HIP1: variants seen among roughly 807,000 people sequenced by gnomAD.
HIP1 encodes the protein huntingtin-interacting protein 1.
Under a neutral mutation model 147.6 loss-of-function variants are expected in HIP1, and 65 were observed. The observed-to-expected ratio is 0.44, with a 90% CI of 0.36 to 0.54. HIP1 has a LOEUF of 0.54. Ranked by LOEUF, HIP1 falls within the 20% of genes least tolerant of loss-of-function variation. The pLI is 0.00. For missense variants in HIP1, 1,061 were observed against 1,299.6 expected, an observed-to-expected ratio of 0.82 and a Z score of 2.82; for synonymous variants, 479 against 504.0, an observed-to-expected ratio of 0.95 and a Z score of 0.67.
chr7:75,704,488 C>T (rs1279603351), intron 1 of HIP1, among the ~76,000 whole-genome samples: 1 of 152,184 alleles, frequency 6.6e-6, no homozygotes, highest in Non-Finnish European at 1.5e-5. Flanking sequence ...AGGTGATCCG[C>T]CTGCCTTGGC....
chr7:75,593,965 T>C lies in HIP1; in HGVS notation c.185-1451A>G, dbSNP rs374604045. 6.7e-4 allele frequency among the ~76,000 whole-genome samples: 101 copies of C among 151,582 alleles called. No homozygotes were observed. In the South Asian group the frequency reaches 0.016, roughly 24 times the overall value. On this transcript the variant is annotated intron_variant, in intron 2 of 30. Coordinates refer to ENST00000336926, the MANE Select transcript of HIP1 (RefSeq NM_005338.7). ...TCCAAACACACCCACTCCCTGCAGA[T>C]AGTCGTCAGTTTGCATGTAATAAAT... is the stretch of plus-strand genomic sequence containing the variant.
At chr7:75,643,023 C>A (rs782056435) in intron 1 of HIP1, among the ~76,000 whole-genome samples, 1 of 152,160 alleles carries the variant, frequency 6.6e-6, no homozygotes, top group African/African-American at 2.4e-5. Context: ...AGTTCCTTGA[C>A]GTAATTCGTA....
At chr7:75,559,635 T>TC in intron 14 of HIP1, 97 bp downstream of exon 14, 1 of 976,538 alleles carries the variant, frequency 1.0e-6, no homozygotes, top group Non-Finnish European at 1.5e-6. Flanking sequence ...AGTCTGGGTC[T>TC]CCCCCACCCA....
chr7:75,699,838 CG>C (rs1484236469), intron 1 of HIP1, among the ~76,000 whole-genome samples: 3 of 151,152 alleles, frequency 2.0e-5, no homozygotes, highest in African/African-American at 7.4e-5. Context: ...TGTGCAGCCA[CG>C]GGAGCAGCAC....
At chr7:75,601,726 A>C (rs1236147577) in intron 1 of HIP1, among the ~76,000 whole-genome samples, 1 of 152,156 alleles carries the variant, frequency 6.6e-6, no homozygotes, top group East Asian at 1.9e-4. Context: ...CTTCTGCATT[A>C]CAAAGGCAGA....
Position 75,563,269 on chromosome 7 carries a change from G to T in HIP1, c.804-6C>A, listed in dbSNP as rs1795293878. On this transcript the variant is annotated splice_polypyrimidine_tract_variant and splice_region_variant and intron_variant, in intron 9 of 30. Transcript: ENST00000336926. ...GGTAGAACAGATCTTTCAACCTAGG[G>T]GTGGAGAAGGACCTGAGGGGTGCTG... 7 of 1,614,046 alleles carry T rather than the reference G, an allele frequency of 4.3e-6. No individual in the cohort carries two copies. Among genetic ancestry groups the T allele is most frequent in the Non-Finnish European group, 5.1e-6 (6 of 1,179,914 alleles).
At chr7:75,738,403 G>A (rs1802094841) in intron 1 of HIP1, among the ~76,000 whole-genome samples, 1 of 152,022 alleles carries the variant, frequency 6.6e-6, no homozygotes, top group Non-Finnish European at 1.5e-5. Context: ...CCAGCCCGGC[G>A]CCCCCACTCT....
chr7:75,591,419 A>C (rs1796497890), intron 4 of HIP1, among the ~76,000 whole-genome samples: 1 of 152,164 alleles, frequency 6.6e-6, no homozygotes, highest in Admixed American at 6.6e-5. Flanking sequence ...GTGTGTGTAC[A>C]GAAATGCTCT....
intron 1 of HIP1, among the ~76,000 whole-genome samples, chr7:75,680,608 CTT>C (rs11333812): frequency 3.3e-5 from 5 of 151,562 alleles, no homozygotes; most frequent in African/African-American, 7.3e-5. Context: ...TAAAATATAA[CTT>C]TTTTTTCTTT....
chr7:75,649,303 C>A (rs1487398287), intron 1 of HIP1, among the ~76,000 whole-genome samples: 1 of 152,186 alleles, frequency 6.6e-6, no homozygotes, highest in African/African-American at 2.4e-5. Context: ...GGATTACAGG[C>A]GTGAGCCACT....
intron 1 of HIP1, among the ~76,000 whole-genome samples, chr7:75,732,946 C>T (rs1563319415): frequency 6.6e-6 from 1 of 152,166 alleles, no homozygotes. Context: ...GGCCAGTCTG[C>T]CTCCCTGCTG....
At chr7:75,674,029 G>A (rs1419025986) in intron 1 of HIP1, among the ~76,000 whole-genome samples, 4 of 151,942 alleles carry the variant, frequency 2.6e-5, no homozygotes, top group Non-Finnish European at 4.4e-5. Context: ...GTTGTATCCT[G>A]CAATTTTTCT....
At chr7:75,635,822 A>G (rs2117141111) in intron 1 of HIP1, among the ~76,000 whole-genome samples, 1 of 151,854 alleles carries the variant, frequency 6.6e-6, no homozygotes. Flanking sequence ...CAGGAGTTCG[A>G]CACCAGCCTG....
At chr7:75,633,804 A>G (rs1317152229) in intron 1 of HIP1, among the ~76,000 whole-genome samples, 2 of 152,198 alleles carry the variant, frequency 1.3e-5, no homozygotes, top group Non-Finnish European at 2.9e-5. Flanking sequence ...CAGGTTGACC[A>G]GAAGTCTTTT....
intron 1 of HIP1, among the ~76,000 whole-genome samples, chr7:75,649,913 C>T (rs141419972): frequency 6.6e-6 from 1 of 152,266 alleles, no homozygotes; most frequent in African/African-American, 2.4e-5. Context: ...TGTTTTTCCT[C>T]CTGACACTGC....
At chr7:75,586,448 C>T (rs1240041757) in intron 5 of HIP1, among the ~76,000 whole-genome samples, 2 of 152,090 alleles carry the variant, frequency 1.3e-5, no homozygotes, top group East Asian at 1.9e-4. Context: ...GTGATCCATC[C>T]GCCTGGGCCT....
chr7:75,695,031 C>A (rs1396196382), intron 1 of HIP1, among the ~76,000 whole-genome samples: 1 of 152,136 alleles, frequency 6.6e-6, no homozygotes, highest in African/African-American at 2.4e-5. Context: ...GTCTTTGTTT[C>A]CTAAAGATTG....
intron 2 of HIP1, among the ~76,000 whole-genome samples, chr7:75,595,220 CTTTCTTTCTTTCTTT>C (rs1796656888): frequency 1.1e-5 from 1 of 92,218 alleles, no homozygotes; most frequent in African/African-American, 5.6e-5. Flanking sequence ...TTCTTTCTTT[CTTTCTTTCTTTCTTT>C]CTTTCTTTCT....
At chr7:75,604,482 T>C (rs1554503527) in intron 1 of HIP1, among the ~76,000 whole-genome samples, 1 of 152,144 alleles carries the variant, frequency 6.6e-6, no homozygotes, top group Admixed American at 6.6e-5. Flanking sequence ...AAGACCAGCC[T>C]GGGCAACATA....
Sources: gnomAD v4.1 joint callset for allele counts (sites outside exome capture counted in the v4.1 genomes callset) on GRCh38, gnomAD v4.1.1 for gene constraint, MANE v1.5 for transcripts, NCBI Gene and HGNC (gene_info 2026-07-23, HGNC 2026-07-21) for gene names.